SGCA: variants seen among roughly 807,000 people sequenced by gnomAD.
SGCA encodes alpha-sarcoglycan.
In SGCA, 34 loss-of-function variants were observed where a neutral mutation model predicts 38.1. That is an observed-to-expected ratio of 0.89 (90% CI 0.68 to 1.19). SGCA has a LOEUF of 1.19. Among genes scored for constraint, SGCA ranks in the 50% most tolerant of loss-of-function variants. The pLI is 0.00. For missense variants in SGCA, 476 were observed against 524.9 expected, an observed-to-expected ratio of 0.91 and a Z score of 0.91; for synonymous variants, 209 against 214.6, an observed-to-expected ratio of 0.97 and a Z score of 0.23.
Position 50,167,331 on chromosome 17 carries a change from C to G in SGCA, c.38-37C>G. 6.2e-7 allele frequency: 1 copy of G among 1,613,822 alleles called. No individual in the cohort carries two copies. Among genetic ancestry groups the G allele is most frequent in the Non-Finnish European group, 8.5e-7 (1 of 1,179,966 alleles). ...GCTTATCCCCTGCCCAGGACTGAGG[C>G]TGGCCTGTGTGTTTGGGACTTGTGG... On this transcript the variant is annotated intron_variant, in intron 1 of 9. Coordinates refer to ENST00000262018, the MANE Select transcript of SGCA (RefSeq NM_000023.4). This position sits in a 1 kb window ranked among gnomAD's most constrained non-coding sequence, Gnocchi z 4.5.
intron 8 of SGCA, chr17:50,172,211 C>T (rs750880932): frequency 2.8e-5 from 13 of 457,050 alleles, no homozygotes; most frequent in South Asian, 2.0e-4. Context: ...AGGACGGTCA[C>T]CCACGGCTGG....
chr17:50,166,770 C>T, intron 1 of SGCA, among the ~76,000 whole-genome samples: 1 of 92,076 alleles, frequency 1.1e-5, no homozygotes, highest in Non-Finnish European at 2.1e-5. Context: ...CACACACACA[C>T]CCTCACACAC....
chr17:50,170,703 A>G (rs1409955419), intron 8 of SGCA, 37 bp downstream of exon 8: 1 of 1,542,224 alleles, frequency 6.5e-7, no homozygotes, highest in South Asian at 1.2e-5. Flanking sequence ...GTGGGAGCCC[A>G]CCTAGACAGT....
Position 50,169,197 on chromosome 17 carries a change from G to T in SGCA, c.690G>T (p.Leu230=). The part of the protein sequence containing the change: ...ARCAQGQPPL[L]SCYDTLAPHF... Reference sequence around the variant, plus strand: ...GTGCCCAGGGCCAGCCTCCACTTCTGTCTTGCTACGACACCTTGGCACCCC... The same window carrying T: ...GTGCCCAGGGCCAGCCTCCACTTCTTTCTTGCTACGACACCTTGGCACCCC... Residue 230 remains leucine (L), a synonymous_variant, in exon 6 of 10, where the codon CTG becomes CTT. Transcript: ENST00000262018. 6.2e-7 allele frequency: 1 copy of T among 1,614,008 alleles called. No individual in the cohort carries two copies. The highest frequency in any genetic ancestry group is 8.5e-7 in the Non-Finnish European group (1 of 1,179,980).
chr17:50,169,467 C>G (rs1368922493), intron 6 of SGCA: 1 of 565,312 alleles, frequency 1.8e-6, no homozygotes, highest in Non-Finnish European at 3.1e-6. Flanking sequence ...CTACCTTTCC[C>G]CCACAAGAGG....
intron 5 of SGCA, 88 bp downstream of exon 5, chr17:50,168,660 G>A (rs1334009119): frequency 4.1e-6 from 5 of 1,234,222 alleles, no homozygotes; most frequent in Admixed American, 2.0e-5. Context: ...ATTTCCAGGT[G>A]GGGCTTTACC....
Position 50,167,867 on chromosome 17 carries a change from C to A in SGCA, c.313-80C>A. 1 of 1,531,352 alleles carries A rather than the reference C, an allele frequency of 6.5e-7. No individual in the cohort carries two copies. The highest frequency in any genetic ancestry group is 9.1e-7 in the Non-Finnish European group (1 of 1,104,702). The allele number at this position is 1,531,352 out of a possible 1,614,324, so 94.9% of individuals were successfully genotyped here. ...AATTTACATACCTCTAATTTGGTATCTGAGTCCTCTCCTGCCAGGCCCCCG... is the reference window on the plus strand; with the variant it reads ...AATTTACATACCTCTAATTTGGTATATGAGTCCTCTCCTGCCAGGCCCCCG... On this transcript the variant is annotated intron_variant, in intron 3 of 9. Transcript: ENST00000262018. The surrounding 1 kb of genome is among the most constrained non-coding windows in gnomAD (Gnocchi z 4.5).
At chr17:50,170,746 C>T in intron 8 of SGCA, 80 bp downstream of exon 8, 1 of 1,158,706 alleles carries the variant, frequency 8.6e-7, no homozygotes, top group Middle Eastern at 1.9e-4. Flanking sequence ...ATGCCATGAA[C>T]AGCAGAGACA....
chr17:50,175,275 C>T lies in SGCA; in HGVS notation c.1002C>T (p.His334=), dbSNP rs1306549012. 1 of 1,606,412 alleles carries T rather than the reference C, an allele frequency of 6.2e-7. No homozygotes were observed. Among genetic ancestry groups the T allele is most frequent in the Non-Finnish European group, 8.5e-7 (1 of 1,177,196 alleles). Residue 334 remains histidine, a synonymous_variant, in exon 9 of 10, where the codon CAC becomes CAT. Coordinates refer to ENST00000262018, the MANE Select transcript of SGCA (RefSeq NM_000023.4). The part of the protein sequence containing the change: ...LATSDIQMVH[H]CTIHGNTEEL... Reference sequence around the variant, plus strand: ...CCTCCAGCATCCAGATGGTCCACCACTGCACCATCCACGGGAACACAGAGG... The same window carrying T: ...CCTCCAGCATCCAGATGGTCCACCATTGCACCATCCACGGGAACACAGAGG...
In SGCA at chr17:50,166,019, G is replaced by A. The variant is rs1374550719; in HGVS notation, c.-22G>A. The A allele has an allele frequency of 1.2e-5, 20 of 1,610,344 alleles. No homozygotes were observed. Among genetic ancestry groups the A allele is most frequent in the Non-Finnish European group, 1.4e-5 (17 of 1,177,012 alleles). ...CTGCCCCCTGTCTCTGTCACTCACC[G>A]GGCGGGCCAGGCCGGGCAGCCATGG... On this transcript the variant is annotated 5_prime_UTR_variant, in exon 1 of 10. Coordinates refer to ENST00000262018, the MANE Select transcript of SGCA (RefSeq NM_000023.4).
chr17:50,170,521 C>T (rs1440321595), intron 7 of SGCA, 119 bp from the exon 8 acceptor site: 5 of 1,353,698 alleles, frequency 3.7e-6, no homozygotes, highest in African/African-American at 1.4e-5. Context: ...ACCTGCCTGG[C>T]CTGGCACCAG....
chr17:50,168,864 G>A (rs1369601103), intron 5 of SGCA, among the ~76,000 whole-genome samples: 1 of 151,864 alleles, frequency 6.6e-6, no homozygotes, highest in African/African-American at 2.4e-5. Flanking sequence ...TAGAAGAATG[G>A]GGTGCCCTGT....
chr17:50,175,403 G>A lies in SGCA; in HGVS notation c.1130G>A (p.Ser377Asn). The A allele has an allele frequency of 2.5e-6, 4 of 1,613,216 alleles. 1 individual carries two copies. In the South Asian group the frequency reaches 4.4e-5, roughly 18 times the overall value. ...GAGCGGCTGCCTCCCCGCGTGGACAGCGCCCAGGTGCCCCTCATTCTGGAC... is the reference window on the plus strand; with the variant it reads ...GAGCGGCTGCCTCCCCGCGTGGACAACGCCCAGGTGCCCCTCATTCTGGAC... ...TGERLPPRVD[S>N]AQVPLILDQH Residue 377 changes from serine to asparagine, a missense_variant, in exon 9 of 10, where the codon AGC becomes AAC. By Grantham distance (46) the Ser-to-Asn change is conservative. Transcript: ENST00000262018.
In SGCA at chr17:50,167,791, G is replaced by C; in HGVS notation, c.312+55G>C. 1 of 1,593,062 alleles carries C rather than the reference G, an allele frequency of 6.3e-7. No individual in the cohort carries two copies. Among genetic ancestry groups the C allele is most frequent in the Non-Finnish European group, 8.6e-7 (1 of 1,163,462 alleles). ...GGGGTGGGCCAGAGTGGCCTCCTAG[G>C]AGCAGCCCTATGAATTGGGATTGGG... On this transcript the variant is annotated intron_variant, in intron 3 of 9. Transcript: ENST00000262018. This position sits in a 1 kb window ranked among gnomAD's most constrained non-coding sequence, Gnocchi z 4.5.
chr17:50,172,561 A>G, intron 8 of SGCA: 1 of 289,616 alleles, frequency 3.5e-6, no homozygotes, highest in Admixed American at 4.3e-5. Context: ...GCTCACTGCA[A>G]CCTCAGACTC....
In SGCA at chr17:50,167,273, C is replaced by T. The variant is rs1301041647; in HGVS notation, c.38-95C>T. 3 of 1,582,626 alleles carry T rather than the reference C, an allele frequency of 1.9e-6. No individual in the cohort carries two copies. Among genetic ancestry groups the T allele is most frequent in the Non-Finnish European group, 2.6e-6 (3 of 1,158,390 alleles). On this transcript the variant is annotated intron_variant, in intron 1 of 9. Coordinates refer to ENST00000262018, the MANE Select transcript of SGCA (RefSeq NM_000023.4). The surrounding 1 kb of genome is among the most constrained non-coding windows in gnomAD (Gnocchi z 4.5). ...GCAAAGGAAGCGCTTCTCTCGGTCCCTTAGGGGCTCCAAGGACTTGGTGGG... is the reference window on the plus strand; with the variant it reads ...GCAAAGGAAGCGCTTCTCTCGGTCCTTTAGGGGCTCCAAGGACTTGGTGGG...
At position 50,170,292 on chromosome 17, in the gene SGCA, G is replaced by A; in HGVS notation, c.897G>A (p.Leu299=). Residue 299 remains leucine, a synonymous_variant, in exon 7 of 10, where the codon CTG becomes CTA. Transcript: ENST00000262018. ...TGGTCACCCTCCTGGTGCCCCTGCT[G>A]GTGGCCCTGCTTCTCACCTTGCTGC... ...DALVTLLVPL[L]VALLLTLLLA... is the part of the protein sequence containing the mutation. 1 of 1,614,206 alleles carries A rather than the reference G, an allele frequency of 6.2e-7. No individual in the cohort carries two copies. Among genetic ancestry groups the A allele is most frequent in the Non-Finnish European group, 8.5e-7 (1 of 1,180,024 alleles).
intron 8 of SGCA, chr17:50,172,491 A>C (rs1017049202): frequency 2.1e-5 from 7 of 333,496 alleles, no homozygotes; most frequent in African/African-American, 1.5e-4. Flanking sequence ...TTTTTTAAAA[A>C]ATTTTTAGAG....
At chr17:50,168,311 G>A in intron 4 of SGCA, 63 bp from the exon 5 acceptor site, 1 of 1,421,746 alleles carries the variant, frequency 7.0e-7, no homozygotes, top group Non-Finnish European at 9.6e-7. Flanking sequence ...GGAGCTTCAA[G>A]GAGGCTTTGC....
Sources: allele counts gnomAD v4.1 joint callset (sites outside exome capture counted in the v4.1 genomes callset), GRCh38; gene constraint gnomAD v4.1.1; non-coding constraint Gnocchi (gnomAD v3.1); transcripts MANE v1.5; gene names NCBI Gene and HGNC (gene_info 2026-07-23, HGNC 2026-07-21).